The following CSNK2A2IP variants were observed in gnomAD, a reference collection of about 807,000 sequenced individuals.
CSNK2A2IP encodes casein kinase II subunit alpha'-interacting protein.
the CSNK2A2IP span, among the ~76,000 whole-genome samples, chr3:88,411,343 T>A: frequency 0.036 from 5,354 of 149,862 alleles, 155 homozygotes; most frequent in East Asian, 0.14. Context: ...TCACTCACTC[T>A]ATCTATCATC....
chr3:88,439,787 G>A, the CSNK2A2IP span, among the ~76,000 whole-genome samples: 1 of 150,070 alleles, frequency 6.7e-6, no homozygotes, highest in Non-Finnish European at 1.5e-5. Context: ...ACCAATAATT[G>A]CATAGGGATT....
chr3:88,407,972 C>T, the CSNK2A2IP span, among the ~76,000 whole-genome samples: 1 of 152,124 alleles, frequency 6.6e-6, no homozygotes, highest in South Asian at 2.1e-4. Context: ...ATCCACCCAC[C>T]TTGACCTCCC....
chr3:88,418,461 T>TGTGTGTGCGCGC, the CSNK2A2IP span, among the ~76,000 whole-genome samples: 1 of 75,856 alleles, frequency 1.3e-5, no homozygotes, highest in Non-Finnish European at 2.8e-5. Flanking sequence ...TGTGTGTGTG[T>TGTGTGTGCGCGC]GTGCGCGCGG....
At chr3:88,422,076 C>G in the CSNK2A2IP span, among the ~76,000 whole-genome samples, 1 of 152,146 alleles carries the variant, frequency 6.6e-6, no homozygotes, top group Non-Finnish European at 1.5e-5. Flanking sequence ...ATCTCTCTGT[C>G]TCATTCTGAT....
chr3:88,416,840 A>T, the CSNK2A2IP span, among the ~76,000 whole-genome samples: 1 of 152,146 alleles, frequency 6.6e-6, no homozygotes, highest in Non-Finnish European at 1.5e-5. Flanking sequence ...CTATTTGTTT[A>T]GTTTTCAAAT....
chr3:88,353,669 G>C, the CSNK2A2IP span, among the ~76,000 whole-genome samples: 1 of 152,088 alleles, frequency 6.6e-6, no homozygotes, highest in Non-Finnish European at 1.5e-5. Context: ...CCTTAATTCA[G>C]TGAAGTAGAG....
At chr3:88,397,821 T>C in the CSNK2A2IP span, among the ~76,000 whole-genome samples, 5 of 152,030 alleles carry the variant, frequency 3.3e-5, no homozygotes, top group African/African-American at 1.2e-4. Context: ...AAATAGTAAG[T>C]GTTTCATTTT....
the CSNK2A2IP span, among the ~76,000 whole-genome samples, chr3:88,435,978 T>TATGTGTGCATTATATATATAATG: frequency 6.9e-6 from 1 of 145,788 alleles, no homozygotes. Flanking sequence ...TATATATATT[T>TATGTGTGCATTATATATATAATG]CAGGAAAAGG....
the CSNK2A2IP span, among the ~76,000 whole-genome samples, chr3:88,347,515 C>T: frequency 6.6e-6 from 1 of 152,026 alleles, no homozygotes; most frequent in Non-Finnish European, 1.5e-5. Flanking sequence ...CAAAAACATT[C>T]CCATTCATGG....
At chr3:88,410,080 A>G in the CSNK2A2IP span, among the ~76,000 whole-genome samples, 2 of 152,008 alleles carry the variant, frequency 1.3e-5, no homozygotes, top group Non-Finnish European at 2.9e-5. Flanking sequence ...TGAAGTCTTC[A>G]ATAGAAAGAT....
the CSNK2A2IP span, among the ~76,000 whole-genome samples, chr3:88,441,933 T>G: frequency 1.3e-5 from 2 of 152,140 alleles, no homozygotes; most frequent in African/African-American, 4.8e-5. Context: ...AAGGACTGTC[T>G]TACTTAAAAA....
chr3:88,423,722 T>C, the CSNK2A2IP span, among the ~76,000 whole-genome samples: 1 of 152,182 alleles, frequency 6.6e-6, no homozygotes, highest in African/African-American at 2.4e-5. Context: ...ATGTTTCAAG[T>C]GCCGATTTAA....
At chr3:88,464,408 G>T in the CSNK2A2IP span, among the ~76,000 whole-genome samples, 4 of 151,374 alleles carry the variant, frequency 2.6e-5, no homozygotes, top group Non-Finnish European at 4.4e-5. Flanking sequence ...AAAGAGAAGA[G>T]ACCTGGTAAT....
At chr3:88,368,460 G>A in the CSNK2A2IP span, among the ~76,000 whole-genome samples, 2 of 151,980 alleles carry the variant, frequency 1.3e-5, no homozygotes, top group Non-Finnish European at 2.9e-5. Flanking sequence ...ATGCCATAGA[G>A]ACAGACAAAT....
chr3:88,436,558 T>C, the CSNK2A2IP span, among the ~76,000 whole-genome samples: 1 of 152,128 alleles, frequency 6.6e-6, no homozygotes, highest in African/African-American at 2.4e-5. Context: ...AAACAAAATC[T>C]AAATTTAATT....
the CSNK2A2IP span, among the ~76,000 whole-genome samples, chr3:88,359,016 A>C: frequency 2.0e-5 from 3 of 146,446 alleles, no homozygotes; most frequent in South Asian, 6.4e-4. Flanking sequence ...TTTTTATCTT[A>C]TGTAAGTACA....
At chr3:88,427,035 A>T in the CSNK2A2IP span, among the ~76,000 whole-genome samples, 1 of 152,090 alleles carries the variant, frequency 6.6e-6, no homozygotes, top group African/African-American at 2.4e-5. Context: ...ATTCCTAGAG[A>T]CTTAGAGGGC....
chr3:88,430,508 A>G, the CSNK2A2IP span, among the ~76,000 whole-genome samples: 3 of 152,140 alleles, frequency 2.0e-5, no homozygotes, highest in Admixed American at 1.3e-4. Flanking sequence ...TGAAAAATCT[A>G]TTAGTCATCC....
At chr3:88,444,094 T>C in the CSNK2A2IP span, among the ~76,000 whole-genome samples, 1 of 152,062 alleles carries the variant, frequency 6.6e-6, no homozygotes, top group East Asian at 1.9e-4. Context: ...TTTTCAATTG[T>C]ACATTTTAAA....
Sources: gnomAD v4.1 joint callset for allele counts (sites outside exome capture counted in the v4.1 genomes callset) on GRCh38, gnomAD v4.1.1 for gene constraint, MANE v1.5 for transcripts, NCBI Gene and HGNC (gene_info 2026-07-23, HGNC 2026-07-21) for gene names.